CHN1: variants seen among roughly 807,000 people sequenced by gnomAD.
CHN1 encodes chimerin 1.
CHN1 carries 37 observed loss-of-function variants against 59.5 expected under a neutral mutation model. The ratio of observed to expected loss-of-function variants is 0.62; its 90% CI spans 0.48 to 0.82. The LOEUF is 0.82. Among genes scored for constraint, CHN1 ranks in the 40% least tolerant of loss-of-function variants. The pLI, the probability that CHN1 is intolerant of heterozygous loss-of-function variation, is 0.00. For synonymous variants in CHN1, 206 were observed against 200.4 expected (o/e 1.03, Z -0.24); for missense variants, 469 against 571.0 (o/e 0.82, Z 1.82).
At chr2:174,955,186 A>ATATC (rs1240695219) in intron 1 of CHN1, among the ~76,000 whole-genome samples, 21 of 76,312 alleles carry the variant, frequency 2.8e-4, no homozygotes, top group East Asian at 2.6e-3. Flanking sequence ...ATCTATATCT[A>ATATC]TATATATATA....
chr2:174,841,732 T>TG (rs1686309206), intron 7 of CHN1, among the ~76,000 whole-genome samples: 1 of 152,180 alleles, frequency 6.6e-6, no homozygotes, highest in African/African-American at 2.4e-5. Flanking sequence ...AAAGGAATAA[T>TG]TCACATTATT....
chr2:174,999,871 T>C (rs1012967650), intron 1 of CHN1, among the ~76,000 whole-genome samples: 5 of 152,196 alleles, frequency 3.3e-5, no homozygotes, highest in African/African-American at 1.2e-4. Flanking sequence ...TTGACAAATA[T>C]GTCAAATTTG....
At chr2:174,967,441 T>A (rs212368) in intron 1 of CHN1, among the ~76,000 whole-genome samples, 3 of 152,178 alleles carry the variant, frequency 2.0e-5, no homozygotes, top group African/African-American at 7.2e-5. Flanking sequence ...ACGTTATATA[T>A]GTTTTACTAC....
chr2:174,824,995 G>T (rs1038732460), intron 7 of CHN1, among the ~76,000 whole-genome samples: 2 of 152,118 alleles, frequency 1.3e-5, no homozygotes, highest in African/African-American at 4.8e-5. Flanking sequence ...ATTTTTTTCA[G>T]AGCTTGATTT....
chr2:174,950,029 G>A (rs1357106303), intron 2 of CHN1, among the ~76,000 whole-genome samples: 1 of 152,070 alleles, frequency 6.6e-6, no homozygotes, highest in African/African-American at 2.4e-5. Flanking sequence ...GGGAGGCCAA[G>A]GAGGCAGGAT....
chr2:174,924,341 C>T (rs1283911391), intron 3 of CHN1, among the ~76,000 whole-genome samples: 2 of 152,192 alleles, frequency 1.3e-5, no homozygotes, highest in African/African-American at 2.4e-5. Flanking sequence ...CTTCCCACAA[C>T]TTACCACCCT....
At chr2:174,822,779 T>C (rs1685544726) in intron 8 of CHN1, among the ~76,000 whole-genome samples, 1 of 152,230 alleles carries the variant, frequency 6.6e-6, no homozygotes, top group African/African-American at 2.4e-5. Flanking sequence ...GGCACAACCA[T>C]GGCCTTCTTC....
At chr2:174,880,353 G>A (rs1171129347) in intron 5 of CHN1, among the ~76,000 whole-genome samples, 1 of 152,172 alleles carries the variant, frequency 6.6e-6, no homozygotes, top group African/African-American at 2.4e-5. Context: ...GGCCTACTCT[G>A]AACTACTCTC....
intron 1 of CHN1, among the ~76,000 whole-genome samples, chr2:174,965,808 G>A (rs534585433): frequency 2.8e-4 from 42 of 152,174 alleles, no homozygotes; most frequent in African/African-American, 9.9e-4. Context: ...TCAATATTTA[G>A]ACACACCAAA....
At chr2:174,961,703 A>C (rs1188283545) in intron 1 of CHN1, among the ~76,000 whole-genome samples, 1 of 152,192 alleles carries the variant, frequency 6.6e-6, no homozygotes, top group Non-Finnish European at 1.5e-5. Context: ...GAACAAAAAA[A>C]TTGTTTTACA....
intron 5 of CHN1, among the ~76,000 whole-genome samples, chr2:174,887,708 T>C (rs1051680529): frequency 6.6e-6 from 1 of 152,224 alleles, no homozygotes; most frequent in Admixed American, 6.5e-5. Context: ...ATGTATCTTT[T>C]AGAGCAACAT....
chr2:174,808,188 C>T (rs1322548374), intron 11 of CHN1, among the ~76,000 whole-genome samples: 1 of 152,204 alleles, frequency 6.6e-6, no homozygotes. Context: ...CTTATACAAG[C>T]ACAGAAACTG....
At chr2:174,988,981 T>C (rs1691448843) in intron 1 of CHN1, among the ~76,000 whole-genome samples, 2 of 152,182 alleles carry the variant, frequency 1.3e-5, no homozygotes, top group African/African-American at 4.8e-5. Context: ...AAAATAGTAG[T>C]GAAATTAATC....
At chr2:174,802,333 T>C (rs1239118520) in intron 11 of CHN1, among the ~76,000 whole-genome samples, 2 of 152,266 alleles carry the variant, frequency 1.3e-5, no homozygotes, top group African/African-American at 2.4e-5. Flanking sequence ...CCAAAACATG[T>C]ACCATCCAAC....
At chr2:174,838,152 G>A (rs1686157935) in intron 7 of CHN1, among the ~76,000 whole-genome samples, 1 of 151,944 alleles carries the variant, frequency 6.6e-6, no homozygotes, top group Non-Finnish European at 1.5e-5. Context: ...GGAGTGCAAT[G>A]GCACGATCTT....
chr2:174,946,342 A>C (rs919149191), intron 2 of CHN1, among the ~76,000 whole-genome samples: 2 of 152,200 alleles, frequency 1.3e-5, no homozygotes, highest in Admixed American at 6.5e-5. Flanking sequence ...TCTTGAGTTC[A>C]TCACTAAAAC....
intron 2 of CHN1, among the ~76,000 whole-genome samples, chr2:174,947,890 T>C (rs1689894510): frequency 6.6e-6 from 1 of 152,222 alleles, no homozygotes; most frequent in Admixed American, 6.5e-5. Context: ...ATTCAGGTCC[T>C]TCTCTCTCAG....
At chr2:174,902,735 G>A (rs1688429012) in intron 5 of CHN1, among the ~76,000 whole-genome samples, 1 of 152,148 alleles carries the variant, frequency 6.6e-6, no homozygotes, top group Non-Finnish European at 1.5e-5. Flanking sequence ...ACGCCTACTA[G>A]CAGCATAATC....
chr2:174,949,735 C>G (rs1574201948), intron 2 of CHN1, among the ~76,000 whole-genome samples: 1 of 151,980 alleles, frequency 6.6e-6, no homozygotes, highest in Non-Finnish European at 1.5e-5. Context: ...ATATCATAAT[C>G]TTATAAGAAA....
Sources: allele counts gnomAD v4.1 joint callset (sites outside exome capture counted in the v4.1 genomes callset), GRCh38; gene constraint gnomAD v4.1.1; transcripts MANE v1.5; gene names NCBI Gene and HGNC (gene_info 2026-07-23, HGNC 2026-07-21).